SPATA7: variants seen among roughly 807,000 people sequenced by gnomAD.
SPATA7 encodes the protein spermatogenesis-associated protein 7.
A neutral mutation model predicts 51.8 loss-of-function variants in SPATA7; 43 were observed. That is an observed-to-expected ratio of 0.83 (90% CI 0.65 to 1.07). The LOEUF (loss-of-function observed/expected upper bound fraction) is 1.07, where lower values mean the gene tolerates loss of function less well. Ranked by LOEUF, SPATA7 falls within the 50% of genes least tolerant of loss-of-function variation. The pLI is 0.00. For missense variants in SPATA7, 683 were observed against 701.3 expected, an observed-to-expected ratio of 0.97 and a Z score of 0.30; for synonymous variants, 230 against 252.8, an observed-to-expected ratio of 0.91 and a Z score of 0.86.
At chr14:88,416,561 A>G in intron 4 of SPATA7, 150 bp from the exon 5 acceptor site, 2 of 683,578 alleles carry the variant, frequency 2.9e-6, no homozygotes, top group East Asian at 5.7e-5. Flanking sequence ...AAAATGTGTT[A>G]GTAACTCTTT....
intron 3 of SPATA7, among the ~76,000 whole-genome samples, chr14:88,447,262 G>C (rs867283214): frequency 0.02 from 2,960 of 147,514 alleles, 94 homozygotes; most frequent in African/African-American, 0.072. Context: ...CTCTTTTGAT[G>C]TTTGTTGGTT....
chr14:88,429,756 C>A (rs1424383442), intron 8 of SPATA7, among the ~76,000 whole-genome samples: 4 of 152,038 alleles, frequency 2.6e-5, no homozygotes, highest in African/African-American at 9.7e-5. Context: ...AAGACAAGTC[C>A]TCTGGCAGTG....
intron 11 of SPATA7, 28 bp from the exon 12 acceptor site, chr14:88,437,810 A>G (rs752772817): frequency 6.4e-7 from 1 of 1,564,564 alleles, no homozygotes; most frequent in Non-Finnish European, 8.6e-7. Flanking sequence ...CAATTAATGT[A>G]ATTAGTCTCA....
chr14:88,440,826 CTATT>C (rs2077173409), downstream of SPATA7, among the ~76,000 whole-genome samples: 1 of 150,710 alleles, frequency 6.6e-6, no homozygotes, highest in East Asian at 1.9e-4. Flanking sequence ...TTTTTTTTTG[CTATT>C]TATTTTTTAT....
chr14:88,404,828 C>A (rs192822662), intron 4 of SPATA7, among the ~76,000 whole-genome samples: 5 of 152,266 alleles, frequency 3.3e-5, no homozygotes, highest in Admixed American at 3.3e-4. Context: ...TTGATTTATT[C>A]AGCATATATT....
At chr14:88,415,242 T>A in intron 4 of SPATA7, 1 of 362,710 alleles carries the variant, frequency 2.8e-6, no homozygotes, top group Non-Finnish European at 5.8e-6. Context: ...TGCTCCAGTG[T>A]TGGGTGCAAA....
At position 88,446,420 on chromosome 14, in the gene SPATA7, C is replaced by T. The variant is rs867801863; in HGVS notation, c.177+8517C>T. On this transcript the variant is annotated intron_variant, in intron 3 of 3. Transcript: ENST00000554802. ...TAGCAGTCTATCAATTTTGTTGATCCTTTCAAAAAACCAGCTCCTGGATTA... is the reference window on the plus strand; with the variant it reads ...TAGCAGTCTATCAATTTTGTTGATCTTTTCAAAAAACCAGCTCCTGGATTA... Among the ~76,000 whole-genome samples, 492 of 152,004 alleles carry T rather than the reference C, an allele frequency of 3.2e-3. 2 individuals are homozygous for T. Among genetic ancestry groups the T allele is most frequent in the African/African-American group, 0.011 (454 of 41,452 alleles).
downstream of SPATA7, among the ~76,000 whole-genome samples, chr14:88,438,840 A>C (rs1450355137): frequency 6.6e-6 from 1 of 152,202 alleles, no homozygotes; most frequent in South Asian, 2.1e-4. Flanking sequence ...TTTTTTAAGG[A>C]TATCAGGAAA....
Position 88,427,686 on chromosome 14 carries a change from A to G in SPATA7, c.902A>G (p.Asn301Ser), listed in dbSNP as rs1443038734. Reference sequence around the variant, plus strand: ...AAAAACATGACAGATTCAGAAATGAACATAAAGCAGGTAATAAGTATGAAA... The same window carrying G: ...AAAAACATGACAGATTCAGAAATGAGCATAAAGCAGGTAATAAGTATGAAA... ...ETKNMTDSEMNIKQASNCVTY... is the reference protein window; with the variant it reads ...ETKNMTDSEMSIKQASNCVTY... The change falls in exon 7 of 12, where the codon AAC becomes AGC. Residue 301 changes from asparagine to serine, a missense_variant. Asn to Ser is a conservative substitution (Grantham distance 46, BLOSUM62 1). Coordinates refer to ENST00000393545, the MANE Select transcript of SPATA7 (RefSeq NM_018418.5). 1 of 1,608,382 alleles carries G rather than the reference A, an allele frequency of 6.2e-7. No individual in the cohort carries two copies. The highest frequency in any genetic ancestry group is 8.5e-7 in the Non-Finnish European group (1 of 1,175,190).
Position 88,388,101 on chromosome 14 carries a change from CT to C in SPATA7, c.19+2265del, listed in dbSNP as rs200762164. Among the ~76,000 whole-genome samples, 41 of 152,012 alleles carry C rather than the reference CT, an allele frequency of 2.7e-4. No homozygotes were observed. In the East Asian group the frequency reaches 6.4e-3, roughly 24 times the overall value. On this transcript the variant is annotated intron_variant, in intron 1 of 11. Transcript: ENST00000393545. ...CCTGTAGTCCCAGCTACTCGGGAGG[CT>C]AAGGCAGGAGAATCACTTGAACCTG...
At chr14:88,449,540 T>A (rs73327492) in intron 3 of SPATA7, among the ~76,000 whole-genome samples, 5,777 of 152,274 alleles carry the variant, frequency 0.038, 358 homozygotes, top group African/African-American at 0.13. Flanking sequence ...GATTAATGAA[T>A]ATATACTCTG....
chr14:88,463,964 C>G (rs572802595), intron 4 of SPATA7, among the ~76,000 whole-genome samples: 2 of 152,126 alleles, frequency 1.3e-5, no homozygotes, highest in South Asian at 4.2e-4. Flanking sequence ...TCTCCTGCCT[C>G]AGCCTCCCTG....
intron 10 of SPATA7, among the ~76,000 whole-genome samples, chr14:88,434,894 A>G (rs1386235461): frequency 6.6e-6 from 1 of 151,920 alleles, no homozygotes; most frequent in Non-Finnish European, 1.5e-5. Flanking sequence ...ATTCAGAACT[A>G]CTAACTCTGA....
intron 1 of SPATA7, chr14:88,386,081 C>T: frequency 2.9e-6 from 4 of 1,394,558 alleles, no homozygotes; most frequent in Non-Finnish European, 3.8e-6. Flanking sequence ...GGGCCCCTGT[C>T]TCCTGAACTC....
intron 5 of SPATA7, among the ~76,000 whole-genome samples, chr14:88,417,298 T>A (rs2076507662): frequency 1.0e-5 from 1 of 99,186 alleles, no homozygotes; most frequent in Non-Finnish European, 2.3e-5. Flanking sequence ...TCTTTTAATC[T>A]GTGGGGTTTT....
chr14:88,391,781 G>A (rs1331639963), intron 2 of SPATA7: 11 of 334,250 alleles, frequency 3.3e-5, no homozygotes, highest in East Asian at 1.5e-4. Context: ...TATTAAAGAC[G>A]CAAGCACTGA....
At chr14:88,427,060 G>A (rs556946002) in intron 6 of SPATA7, among the ~76,000 whole-genome samples, 15 of 152,158 alleles carry the variant, frequency 9.9e-5, no homozygotes, top group Non-Finnish European at 1.8e-4. Flanking sequence ...TAAAAGTGGC[G>A]AAACAATGGG....
At chr14:88,452,150 G>A (rs1408948019) in intron 3 of SPATA7, among the ~76,000 whole-genome samples, 1 of 152,150 alleles carries the variant, frequency 6.6e-6, no homozygotes, top group African/African-American at 2.4e-5. Context: ...CCCTAGGGAT[G>A]GCATGTCTTG....
intron 4 of SPATA7, among the ~76,000 whole-genome samples, chr14:88,409,168 A>G (rs2076273267): frequency 6.6e-6 from 1 of 152,132 alleles, no homozygotes; most frequent in Non-Finnish European, 1.5e-5. Context: ...TTCAAAAGGA[A>G]TGGTACCAGC....
Sources: gnomAD v4.1 joint callset for allele counts (sites outside exome capture counted in the v4.1 genomes callset) on GRCh38, gnomAD v4.1.1 for gene constraint, MANE v1.5 for transcripts, NCBI Gene and HGNC (gene_info 2026-07-23, HGNC 2026-07-21) for gene names.